NOL7: variants seen among roughly 807,000 people sequenced by gnomAD.
NOL7 encodes nucleolar protein 7.
Under a neutral mutation model 38.4 loss-of-function variants are expected in NOL7, and 36 were observed. That is an observed-to-expected ratio of 0.94 (90% CI 0.72 to 1.24). The LOEUF is 1.24. Ranked by LOEUF, NOL7 falls within the 50% of genes most tolerant of loss-of-function variation. NOL7 has a pLI of 0.00. For missense variants in NOL7, 350 were observed against 315.1 expected, an observed-to-expected ratio of 1.11 and a Z score of -0.84; for synonymous variants, 142 against 126.5, an observed-to-expected ratio of 1.12 and a Z score of -0.82.
At chr6:13,624,825 G>A (rs1280882749), downstream of NOL7, among the ~76,000 whole-genome samples, 2 of 152,082 alleles carry the variant, frequency 1.3e-5, no homozygotes, top group Non-Finnish European at 2.9e-5. Flanking sequence ...AGTTGAATCC[G>A]GCTAATATAA....
downstream of NOL7, chr6:13,622,579 T>G: frequency 1.5e-6 from 2 of 1,348,162 alleles, no homozygotes; most frequent in South Asian, 3.3e-5. Flanking sequence ...GCAATGACTT[T>G]AAAAACTACC....
intron 8 of NOL7, among the ~76,000 whole-genome samples, chr6:13,628,097 CTATT>C (rs1188653675): frequency 1.3e-5 from 2 of 152,184 alleles, no homozygotes; most frequent in African/African-American, 4.8e-5. Context: ...TATGGATCAT[CTATT>C]TAATCCTTAC....
chr6:13,617,842 C>T (rs762722604), intron 4 of NOL7, 41 bp downstream of exon 4: 185 of 1,558,930 alleles, frequency 1.2e-4, no homozygotes, highest in Middle Eastern at 1.7e-4. Context: ...ATGTAAGTGT[C>T]AAGTGCACTT....
Position 13,620,390 on chromosome 6 carries a change from A to AAGAAATG in NOL7, c.623-17_623-16insGAAATGA. 6.2e-7 allele frequency: 1 copy of AAGAAATG among 1,613,948 alleles called. No individual in the cohort carries two copies. Among genetic ancestry groups the AAGAAATG allele is most frequent in the South Asian group, 1.1e-5 (1 of 91,076 alleles). ...CTGCAAATAAAACTGTGAAATGATA[A>AAGAAATG]ATACCTTTCTTTTCTAGTAAATAAG... On this transcript the variant is annotated splice_polypyrimidine_tract_variant and intron_variant, in intron 6 of 7. Transcript: ENST00000451315.
intron 7 of NOL7, 84 bp downstream of exon 7, chr6:13,620,569 C>G: frequency 7.4e-7 from 1 of 1,349,668 alleles, no homozygotes; most frequent in South Asian, 1.2e-5. Flanking sequence ...CATAATTATA[C>G]TTTTCCCCCT....
Position 13,618,153 on chromosome 6 carries a change from T to C in NOL7, c.500+14T>C, listed in dbSNP as rs757625538. 1 of 1,436,920 alleles carries C rather than the reference T, an allele frequency of 7.0e-7. No individual in the cohort carries two copies. Among genetic ancestry groups the C allele is most frequent in the Admixed American group, 1.8e-5 (1 of 55,136 alleles). The allele number at this position is 1,436,920 out of a possible 1,614,324, so 89.0% of individuals were successfully genotyped here. A position where few individuals can be genotyped will look rare whatever the true frequency, so the allele number is the denominator to read the frequency against. On this transcript the variant is annotated intron_variant, in intron 5 of 7. Coordinates refer to ENST00000451315, the MANE Select transcript of NOL7 (RefSeq NM_016167.5). ...ACAGTCTGTCAGGTAATGAGTCTTTTGTTTCATTTGGGATGTAAAGGAGAC... is the reference window on the plus strand; with the variant it reads ...ACAGTCTGTCAGGTAATGAGTCTTTCGTTTCATTTGGGATGTAAAGGAGAC...
chr6:13,628,794 T>G (rs1764694467), intron 8 of NOL7, among the ~76,000 whole-genome samples: 1 of 152,232 alleles, frequency 6.6e-6, no homozygotes, highest in Non-Finnish European at 1.5e-5. Flanking sequence ...TAAGCAATTT[T>G]AAGATACTAA....
Position 13,620,868 on chromosome 6 carries a change from A to T in NOL7, c.*41A>T. The stretch of plus-strand genomic sequence containing the variant: ...AGAATCTGTACTTTGTATGTATAGA[A>T]TTTATCTAATAAATCATTCATAGAT... On this transcript the variant is annotated 3_prime_UTR_variant, in exon 8 of 8. Coordinates refer to ENST00000451315, the MANE Select transcript of NOL7 (RefSeq NM_016167.5). 3.5e-6 allele frequency: 4 copies of T among 1,156,270 alleles called. No individual in the cohort carries two copies. The highest frequency in any genetic ancestry group is 1.6e-5 in the African/African-American group (1 of 64,200). The allele number at this position is 1,156,270 out of a possible 1,614,324, so 71.6% of individuals were successfully genotyped here.
At chr6:13,627,332 A>C (rs1584907390) in intron 8 of NOL7, among the ~76,000 whole-genome samples, 1 of 152,110 alleles carries the variant, frequency 6.6e-6, no homozygotes, top group Non-Finnish European at 1.5e-5. Flanking sequence ...CAAATCAAAC[A>C]CATTATTTTG....
downstream of NOL7, among the ~76,000 whole-genome samples, chr6:13,625,437 C>A (rs1209404424): frequency 6.6e-6 from 1 of 152,172 alleles, no homozygotes; most frequent in African/African-American, 2.4e-5. Flanking sequence ...CCAAACATCC[C>A]AAGTTGTACC....
downstream of NOL7, among the ~76,000 whole-genome samples, chr6:13,624,153 TC>T (rs1764534839): frequency 6.6e-6 from 1 of 152,182 alleles, no homozygotes; most frequent in African/African-American, 2.4e-5. Context: ...AATCCTAAAT[TC>T]CGGAGAACTA....
chr6:13,632,062 A>C (rs1476295013), intron 8 of NOL7, among the ~76,000 whole-genome samples: 2 of 150,036 alleles, frequency 1.3e-5, no homozygotes, highest in Admixed American at 6.6e-5. Context: ...TAAAACTAAG[A>C]AACTAAGTTA....
downstream of NOL7, among the ~76,000 whole-genome samples, chr6:13,623,509 C>T (rs150889586): frequency 3.9e-5 from 6 of 152,132 alleles, no homozygotes; most frequent in East Asian, 1.9e-4. Context: ...TAAGAATAAA[C>T]GTGTGCAAAA....
chr6:13,620,467 T>C lies in NOL7; in HGVS notation c.682T>C (p.Phe228Leu), dbSNP rs1246792902. 2.5e-6 allele frequency: 4 copies of C among 1,613,888 alleles called. No homozygotes were observed. Among genetic ancestry groups the C allele is most frequent in the Non-Finnish European group, 3.4e-6 (4 of 1,179,922 alleles). The change falls in exon 7 of 8, where the codon TTT (phenylalanine) becomes CTT (leucine). Residue 228 changes from phenylalanine (F) to leucine (L), a missense_variant. Phe to Leu is a conservative substitution (Grantham distance 22, BLOSUM62 0). Transcript: ENST00000451315. ...RLPVKRAAVQ[F>L]LNNAWGIQKK... ...ACCAGTGAAAAGAGCTGCTGTCCAG[T>C]TTTTGAATAATGCTTGGGGTAAGAT... is the stretch of plus-strand genomic sequence containing the variant.
chr6:13,617,877 A>G (rs1764331679), intron 4 of NOL7, 76 bp downstream of exon 4: 1 of 1,413,000 alleles, frequency 7.1e-7, no homozygotes, highest in African/African-American at 1.4e-5. Flanking sequence ...TCAAATATGA[A>G]TGGCCCTTAG....
chr6:13,626,260 C>T (rs960489303), downstream of NOL7, among the ~76,000 whole-genome samples: 1 of 152,220 alleles, frequency 6.6e-6, no homozygotes, highest in African/African-American at 2.4e-5. Flanking sequence ...CCTGTTTATG[C>T]ATTCAGTATT....
rs1279879961 is a variant in NOL7, at chr6:13,617,802, G to C, written c.418+1G>C. 5.0e-6 allele frequency: 8 copies of C among 1,613,240 alleles called. No homozygotes were observed. Among genetic ancestry groups the C allele is most frequent in the Non-Finnish European group, 2.5e-6 (3 of 1,179,186 alleles). ...AAATCGCCAGGAAAGGTGAAAGAAG[G>C]TATGACTATTCTAATTTAACTAACT... On this transcript the variant is annotated splice_donor_variant, in intron 4 of 7. Coordinates refer to ENST00000451315, the MANE Select transcript of NOL7 (RefSeq NM_016167.5). LOFTEE classifies it high-confidence loss of function.
At chr6:13,630,796 G>C (rs1278691429) in intron 8 of NOL7, among the ~76,000 whole-genome samples, 2 of 151,728 alleles carry the variant, frequency 1.3e-5, no homozygotes, top group African/African-American at 4.8e-5. Context: ...AAGCATTAAA[G>C]AGACTTACAA....
At chr6:13,622,131 A>T, downstream of NOL7, 1 of 321,072 alleles carries the variant, frequency 3.1e-6, no homozygotes, top group Non-Finnish European at 5.4e-6. Flanking sequence ...TCTGAAATTC[A>T]GTAATATTTA....
Sources: gnomAD v4.1 joint callset for allele counts (sites outside exome capture counted in the v4.1 genomes callset) on GRCh38, gnomAD v4.1.1 for gene constraint, MANE v1.5 for transcripts, NCBI Gene and HGNC (gene_info 2026-07-23, HGNC 2026-07-21) for gene names.